ATP8A2: variants seen among roughly 807,000 people sequenced by gnomAD.
ATP8A2 encodes ATPase phospholipid transporting 8A2, also known as phospholipid-transporting ATPase IB.
Under a neutral mutation model 165.6 loss-of-function variants are expected in ATP8A2, and 100 were observed. The observed-to-expected ratio is 0.60, with a 90% CI of 0.51 to 0.71. The LOEUF (loss-of-function observed/expected upper bound fraction) is 0.71. Ranked by LOEUF, ATP8A2 falls within the 30% of genes least tolerant of loss-of-function variation. The probability of loss-of-function intolerance (pLI) is 0.00; values close to 1 mark genes in which losing one functional copy is unlikely to be tolerated. For missense variants in ATP8A2, 1,227 were observed against 1,479.5 expected (o/e 0.83, Z 2.80); for synonymous variants, 543 against 548.8 (o/e 0.99, Z 0.15).
chr13:25,438,864 T>C (rs1041311529), intron 1 of ATP8A2, among the ~76,000 whole-genome samples: 6 of 152,012 alleles, frequency 3.9e-5, no homozygotes, highest in Non-Finnish European at 5.9e-5. Context: ...CGGTGTGTCA[T>C]AAATGAAAAT....
intron 27 of ATP8A2, among the ~76,000 whole-genome samples, chr13:25,809,906 A>G (rs1474557256): frequency 2.0e-5 from 3 of 152,116 alleles, no homozygotes. Context: ...ACCCTGGGGC[A>G]TCGGAGAAGA....
intron 25 of ATP8A2, among the ~76,000 whole-genome samples, chr13:25,708,289 A>T (rs1207956806): frequency 6.6e-6 from 1 of 152,124 alleles, no homozygotes; most frequent in Non-Finnish European, 1.5e-5. Flanking sequence ...TTGCCTTGTG[A>T]TGGTATTTGT....
chr13:25,586,330 G>A (rs2039920405), intron 23 of ATP8A2, among the ~76,000 whole-genome samples: 2 of 152,176 alleles, frequency 1.3e-5, no homozygotes, highest in African/African-American at 2.4e-5. Context: ...AAAAATGACT[G>A]AGAATAGAAT....
intron 33 of ATP8A2, among the ~76,000 whole-genome samples, chr13:25,921,042 C>T (rs1954438124): frequency 1.3e-5 from 2 of 152,122 alleles, no homozygotes; most frequent in Non-Finnish European, 2.9e-5. Flanking sequence ...TGCACTCCAG[C>T]TTGGGCAACA....
At chr13:25,872,638 TAGG>T (rs1365526878) in intron 33 of ATP8A2, among the ~76,000 whole-genome samples, 1 of 151,996 alleles carries the variant, frequency 6.6e-6, no homozygotes, top group Non-Finnish European at 1.5e-5. Flanking sequence ...GGGAAGGAAA[TAGG>T]AGCTTTTCTA....
intron 24 of ATP8A2, among the ~76,000 whole-genome samples, chr13:25,642,157 A>C (rs1165955172): frequency 1.3e-5 from 2 of 152,168 alleles, no homozygotes; most frequent in African/African-American, 4.8e-5. Context: ...CCTAGAAGAA[A>C]ACCTAGGCAA....
chr13:25,646,896 C>T (rs2041688294), intron 24 of ATP8A2, among the ~76,000 whole-genome samples: 2 of 152,020 alleles, frequency 1.3e-5, no homozygotes, highest in Admixed American at 6.5e-5. Flanking sequence ...TCTTTGTCTA[C>T]TATAGATTTT....
intron 25 of ATP8A2, among the ~76,000 whole-genome samples, chr13:25,728,770 G>C (rs911092262): frequency 6.6e-6 from 1 of 152,148 alleles, no homozygotes; most frequent in Non-Finnish European, 1.5e-5. Flanking sequence ...TTTTACCCCT[G>C]CAGACTTTTG....
intron 13 of ATP8A2, 43 bp from the exon 14 acceptor site, chr13:25,558,930 C>A: frequency 7.4e-7 from 1 of 1,348,802 alleles, no homozygotes; most frequent in Non-Finnish European, 1.0e-6. Context: ...ATCTTTGCAT[C>A]TCAATACTTC....
intron 30 of ATP8A2, among the ~76,000 whole-genome samples, chr13:25,841,515 A>G (rs912341732): frequency 6.6e-6 from 1 of 152,228 alleles, no homozygotes; most frequent in Middle Eastern, 3.2e-3. Flanking sequence ...CAACAGAGGG[A>G]CATTGGTGTT....
chr13:25,656,828 G>A (rs1161471108), intron 24 of ATP8A2, among the ~76,000 whole-genome samples: 1 of 151,364 alleles, frequency 6.6e-6, no homozygotes, highest in Non-Finnish European at 1.5e-5. Flanking sequence ...CGAGGTGGGT[G>A]GATCACTTGA....
intron 27 of ATP8A2, among the ~76,000 whole-genome samples, chr13:25,785,770 G>A (rs1182274369): frequency 1.3e-5 from 2 of 152,182 alleles, no homozygotes; most frequent in Non-Finnish European, 2.9e-5. Context: ...ATCAAGAATG[G>A]AGACTTCATG....
At chr13:25,697,678 C>T (rs960499256) in intron 24 of ATP8A2, among the ~76,000 whole-genome samples, 4 of 152,286 alleles carry the variant, frequency 2.6e-5, no homozygotes, top group Non-Finnish European at 4.4e-5. Flanking sequence ...AAATAATTTA[C>T]GTTGATTAGT....
intron 25 of ATP8A2, among the ~76,000 whole-genome samples, chr13:25,742,121 G>A (rs1001352567): frequency 2.0e-5 from 3 of 152,208 alleles, no homozygotes; most frequent in African/African-American, 4.8e-5. Flanking sequence ...TGGACTGTAC[G>A]GAATAGCCTG....
chr13:25,872,332 A>G (rs1016014826), intron 33 of ATP8A2, among the ~76,000 whole-genome samples: 16 of 152,302 alleles, frequency 1.1e-4, no homozygotes, highest in African/African-American at 3.8e-4. Context: ...ACCCTGCAGA[A>G]GGTGGCTGGC....
At chr13:25,792,717 T>C (rs2045209714) in intron 27 of ATP8A2, among the ~76,000 whole-genome samples, 2 of 151,614 alleles carry the variant, frequency 1.3e-5, no homozygotes, top group African/African-American at 4.8e-5. Context: ...TCAAGAGCAG[T>C]GTTGGCAACA....
chr13:25,956,218 G>GA (rs993848216), intron 33 of ATP8A2, among the ~76,000 whole-genome samples: 28 of 152,312 alleles, frequency 1.8e-4, no homozygotes, highest in African/African-American at 6.5e-4. Context: ...ACAAGACAAG[G>GA]ATGCCCTCTC....
At chr13:25,530,791 AT>A in intron 4 of ATP8A2, 131 bp downstream of exon 4, 1 of 626,002 alleles carries the variant, frequency 1.6e-6, no homozygotes, top group Non-Finnish European at 2.8e-6. Flanking sequence ...ACCTGATGGT[AT>A]TTTTAGGGGG....
intron 1 of ATP8A2, among the ~76,000 whole-genome samples, chr13:25,432,375 A>T (rs2034640335): frequency 6.6e-6 from 1 of 152,198 alleles, no homozygotes; most frequent in Non-Finnish European, 1.5e-5. Flanking sequence ...CCCCTAGGGA[A>T]TAGGATGTCT....
Sources: gnomAD v4.1 joint callset for allele counts (sites outside exome capture counted in the v4.1 genomes callset) on GRCh38, gnomAD v4.1.1 for gene constraint, MANE v1.5 for transcripts, NCBI Gene and HGNC (gene_info 2026-07-23, HGNC 2026-07-21) for gene names.